The following TTC6 variants were observed in gnomAD, a reference collection of about 807,000 sequenced individuals.
TTC6 encodes the protein tetratricopeptide repeat domain 6, also known as tetratricopeptide repeat protein 6.
TTC6 carries 172 observed loss-of-function variants against 210.4 expected under a neutral mutation model. The ratio of observed to expected loss-of-function variants is 0.82; its 90% confidence interval spans 0.72 to 0.93. The LOEUF (loss-of-function observed/expected upper bound fraction) is 0.93. TTC6 is among the 40% of genes least tolerant of loss of function. The probability of loss-of-function intolerance (pLI) is 0.00; values close to 1 mark genes in which losing one functional copy is unlikely to be tolerated. For synonymous variants in TTC6, 804 were observed against 819.6 expected (o/e 0.98, Z 0.32); for missense variants, 2,414 against 2,318.1 (o/e 1.04, Z -0.85).
At chr14:37,786,974 T>G (rs2096069230) in intron 14 of TTC6, among the ~76,000 whole-genome samples, 1 of 152,304 alleles carries the variant, frequency 6.6e-6, no homozygotes, top group Admixed American at 6.5e-5. Context: ...TTTACACAAC[T>G]AATGCAATAG....
At chr14:37,775,913 G>A (rs1427043621) in intron 14 of TTC6, among the ~76,000 whole-genome samples, 1 of 151,898 alleles carries the variant, frequency 6.6e-6, no homozygotes, top group Non-Finnish European at 1.5e-5. Flanking sequence ...TTTAAAGTCT[G>A]TTTTGTTTTA....
intron 1 of TTC6, among the ~76,000 whole-genome samples, chr14:37,672,348 A>C (rs1290310242): frequency 6.6e-6 from 1 of 152,136 alleles, no homozygotes; most frequent in Non-Finnish European, 1.5e-5. Flanking sequence ...TTCCTATTGA[A>C]CTTGGAGCCT....
chr14:37,644,532 A>T (rs535778648), intron 1 of TTC6, among the ~76,000 whole-genome samples: 1 of 152,366 alleles, frequency 6.6e-6, no homozygotes, highest in East Asian at 1.9e-4. Flanking sequence ...AGAGGATGAA[A>T]AATGAAATCA....
At chr14:37,700,750 C>CAAAAAAAAAAAAAAAAAAAAAAAAA (rs35091344) in intron 4 of TTC6, among the ~76,000 whole-genome samples, 1 of 62,286 alleles carries the variant, frequency 1.6e-5, no homozygotes. Flanking sequence ...CTCCATCTCA[C>CAAAAAAAAAAAAAAAAAAAAAAAAA]AAAAAAAAAA....
chr14:37,755,147 CT>C (rs1207125266), intron 14 of TTC6, among the ~76,000 whole-genome samples: 4 of 151,840 alleles, frequency 2.6e-5, no homozygotes, highest in African/African-American at 9.6e-5. Context: ...CATTGATGAT[CT>C]TTTTTTCATA....
chr14:37,718,646 A>G (rs1391681762), intron 6 of TTC6, among the ~76,000 whole-genome samples: 1 of 152,182 alleles, frequency 6.6e-6, no homozygotes, highest in African/African-American at 2.4e-5. Flanking sequence ...CTGAGGAATC[A>G]GCCGGGTGCA....
At chr14:37,838,412 G>A (rs1323932467) in intron 29 of TTC6, among the ~76,000 whole-genome samples, 1 of 152,166 alleles carries the variant, frequency 6.6e-6, no homozygotes, top group Non-Finnish European at 1.5e-5. Flanking sequence ...CTAGCAAATG[G>A]TTCTTGGACC....
intron 5 of TTC6, among the ~76,000 whole-genome samples, chr14:37,703,874 TG>T (rs1429263826): frequency 1.3e-5 from 2 of 152,166 alleles, no homozygotes; most frequent in Admixed American, 6.6e-5. Flanking sequence ...TTCAAATTTT[TG>T]GTATGAAATT....
At chr14:37,786,525 A>G (rs2096068054) in intron 14 of TTC6, among the ~76,000 whole-genome samples, 2 of 152,204 alleles carry the variant, frequency 1.3e-5, no homozygotes, top group Non-Finnish European at 1.5e-5. Flanking sequence ...GCCATCTGTC[A>G]TGGCTTCCCT....
At chr14:37,803,728 G>C (rs1364613557) in intron 20 of TTC6, among the ~76,000 whole-genome samples, 3 of 152,106 alleles carry the variant, frequency 2.0e-5, no homozygotes. Flanking sequence ...GAGAGAAAAA[G>C]GTGAAAGTGA....
At chr14:37,771,660 C>G (rs1011112373) in intron 14 of TTC6, among the ~76,000 whole-genome samples, 5 of 152,122 alleles carry the variant, frequency 3.3e-5, no homozygotes, top group African/African-American at 1.2e-4. Context: ...TCCATCAGCT[C>G]CTTTAAGCAC....
exon 11 of TTC6, chr14:37,748,995 T>C (rs1200788899): frequency 2.0e-6 from 3 of 1,533,982 alleles, no homozygotes; most frequent in Middle Eastern, 1.7e-4. Flanking sequence ...AAAGTTCCAT[T>C]ATATGAACGT....
At chr14:37,738,670 G>A in intron 9 of TTC6, 106 bp from the exon 12 acceptor site, 1 of 969,480 alleles carries the variant, frequency 1.0e-6, no homozygotes, top group Non-Finnish European at 1.4e-6. Flanking sequence ...TTTAAATTAA[G>A]TGACCAAACC....
At chr14:37,842,642 T>G, downstream of TTC6, 1 of 157,478 alleles carries the variant, frequency 6.4e-6, no homozygotes, top group Non-Finnish European at 1.4e-5. Context: ...TCACTGACCT[T>G]TTCATCAATC....
chr14:37,713,383 T>C (rs966033346), intron 5 of TTC6, among the ~76,000 whole-genome samples: 21 of 152,008 alleles, frequency 1.4e-4, no homozygotes, highest in African/African-American at 5.1e-4. Context: ...GGACTACAGG[T>C]GTGTGCCACT....
At chr14:37,766,694 T>C (rs1037511696) in intron 14 of TTC6, among the ~76,000 whole-genome samples, 6 of 152,200 alleles carry the variant, frequency 3.9e-5, no homozygotes, top group Admixed American at 1.3e-4. Context: ...GTCTTTATGG[T>C]ACAATGATTT....
chr14:37,610,867 A>G (rs1327886076), intron 2 of TTC6, among the ~76,000 whole-genome samples: 3 of 152,074 alleles, frequency 2.0e-5, no homozygotes, highest in African/African-American at 7.2e-5. Flanking sequence ...TTCGCTCAAC[A>G]TTATGTTTGT....
chr14:37,840,739 C>G (rs375430127), intron 29 of TTC6, among the ~76,000 whole-genome samples: 14 of 152,134 alleles, frequency 9.2e-5, no homozygotes, highest in Admixed American at 2.6e-4. Flanking sequence ...GAACCAATGA[C>G]AAAAACCAAA....
chr14:37,749,656 A>T (rs2095945982), intron 11 of TTC6, 58 bp from the exon 14 acceptor site: 1 of 1,200,072 alleles, frequency 8.3e-7, no homozygotes, highest in Non-Finnish European at 1.1e-6. Context: ...AATTTATTTG[A>T]TAGGATATCC....
Sources: allele counts gnomAD v4.1 joint callset (sites outside exome capture counted in the v4.1 genomes callset), GRCh38; gene constraint gnomAD v4.1.1; transcripts MANE v1.5; gene names NCBI Gene and HGNC (gene_info 2026-07-23, HGNC 2026-07-21).